SULT2B1: variants seen among roughly 807,000 people sequenced by gnomAD.
The protein encoded by SULT2B1 is sulfotransferase family 2B member 1.
In SULT2B1, 16 loss-of-function variants were observed where a neutral mutation model predicts 33.2. The observed-to-expected ratio is 0.48, with a 90% CI of 0.33 to 0.73. The LOEUF (loss-of-function observed/expected upper bound fraction) is 0.73, where lower values mean the gene tolerates loss of function less well. SULT2B1 is among the 30% of genes least tolerant of loss of function. SULT2B1 has a pLI of 0.02. For synonymous variants in SULT2B1, 186 were observed against 200.5 expected, an observed-to-expected ratio of 0.93 and a Z score of 0.61; for missense variants, 500 against 506.0, an observed-to-expected ratio of 0.99 and a Z score of 0.11.
In SULT2B1 at chr19:48,599,208, G is replaced by A. The variant is rs1256218216; in HGVS notation, c.900G>A (p.Gln300=). The change falls in exon 7 of 7, where the codon CAG becomes CAA. Residue 300 remains glutamine (Q), a synonymous_variant. Transcript: ENST00000201586. The surrounding 1 kb of genome is among the most constrained non-coding windows in gnomAD (Gnocchi z 4.1). ...CCTTCGATCGTGCCTACCGCAAGCA[G>A]ATGCGGGGGATGCCGACCTTCCCCT... ...SEAFDRAYRK[Q]MRGMPTFPWD... 6.2e-7 allele frequency: 1 copy of A among 1,606,426 alleles called. No individual in the cohort carries two copies.
At chr19:48,560,957 C>G (rs543283423) in intron 1 of SULT2B1, among the ~76,000 whole-genome samples, 1 of 145,098 alleles carries the variant, frequency 6.9e-6, no homozygotes, top group Non-Finnish European at 1.5e-5. Context: ...AGCAAAACTC[C>G]GTCTCAAAAA....
chr19:48,581,029 CTTTTTTTTT>C (rs57093444), intron 2 of SULT2B1, among the ~76,000 whole-genome samples: 3 of 65,070 alleles, frequency 4.6e-5, no homozygotes, highest in Non-Finnish European at 5.2e-5. Context: ...ATATATATTC[CTTTTTTTTT>C]TTTTTTTTTT....
At chr19:48,571,032 T>C (rs1415794622) in intron 1 of SULT2B1, among the ~76,000 whole-genome samples, 1 of 151,062 alleles carries the variant, frequency 6.6e-6, no homozygotes, top group Non-Finnish European at 1.5e-5. Flanking sequence ...CCTATTATTA[T>C]TTTTAGAGAT....
chr19:48,597,729 C>T (rs559508753), intron 6 of SULT2B1, among the ~76,000 whole-genome samples: 130 of 150,100 alleles, frequency 8.7e-4, no homozygotes, highest in Non-Finnish European at 1.4e-3. Flanking sequence ...CTGCAACCTC[C>T]GCCTCCCAGG....
chr19:48,584,832 C>G (rs1973541724), intron 2 of SULT2B1, among the ~76,000 whole-genome samples: 1 of 152,072 alleles, frequency 6.6e-6, no homozygotes, highest in Non-Finnish European at 1.5e-5. Flanking sequence ...AGGTGGATCA[C>G]CTGAGGTCAG....
chr19:48,596,728 C>T lies in SULT2B1; in HGVS notation c.646-11C>T, dbSNP rs781232514. ...GCCCTCCCTCCGCTGACCCCTCTCC[C>T]CTGCCTGCAGGACTTACAGGGCTCC... On this transcript the variant is annotated splice_polypyrimidine_tract_variant and intron_variant, in intron 5 of 6. Transcript: ENST00000201586. 9.4e-6 allele frequency: 15 copies of T among 1,596,488 alleles called. No individual in the cohort carries two copies. Among genetic ancestry groups the T allele is most frequent in the Non-Finnish European group, 1.2e-5 (14 of 1,176,684 alleles).
intron 1 of SULT2B1, among the ~76,000 whole-genome samples, chr19:48,559,784 C>T (rs913405051): frequency 1.3e-5 from 2 of 151,984 alleles, no homozygotes; most frequent in African/African-American, 4.8e-5. Context: ...GGACCAGAGC[C>T]CCAAGGATCT....
At chr19:48,590,600 TAAAAC>T (rs1460869115) in intron 3 of SULT2B1, among the ~76,000 whole-genome samples, 1 of 151,942 alleles carries the variant, frequency 6.6e-6, no homozygotes, top group South Asian at 2.1e-4. Context: ...AGACTTCGTC[TAAAAC>T]AAAACAAAAC....
At chr19:48,569,084 T>G (rs1383599838) in intron 1 of SULT2B1, among the ~76,000 whole-genome samples, 1 of 152,160 alleles carries the variant, frequency 6.6e-6, no homozygotes, top group Non-Finnish European at 1.5e-5. Flanking sequence ...GGCTCACGCC[T>G]GTAATCCCAG....
intron 1 of SULT2B1, among the ~76,000 whole-genome samples, chr19:48,561,987 C>A (rs576627242): frequency 6.6e-6 from 1 of 152,080 alleles, no homozygotes; most frequent in East Asian, 1.9e-4. Flanking sequence ...TCATTGCTCA[C>A]GCCTGCAATC....
intron 1 of SULT2B1, among the ~76,000 whole-genome samples, chr19:48,573,179 C>T (rs938652476): frequency 9.5e-5 from 14 of 148,080 alleles, no homozygotes; most frequent in Middle Eastern, 3.4e-3. Context: ...AAAAAATTTA[C>T]ATGTCCAGGG....
At chr19:48,593,695 C>T (rs1047506703) in intron 5 of SULT2B1, among the ~76,000 whole-genome samples, 2 of 151,186 alleles carry the variant, frequency 1.3e-5, no homozygotes, top group African/African-American at 4.8e-5. Context: ...AGTGCAATGG[C>T]ATGATCTCGG....
At position 48,576,038 on chromosome 19, in the gene SULT2B1, G is replaced by C. The variant is rs766992586; in HGVS notation, c.169G>C (p.Asp57His). ...CATCAGCTTGGCGGAGAACACCCAA[G>C]ATGTGCGGGACGACGACATCTTTAT... ...ESISLAENTQ[D>H]VRDDDIFIIT... The change falls in exon 2 of 7, where the codon GAT (aspartate) becomes CAT (histidine). Residue 57 changes from aspartate (D) to histidine (H), a missense_variant. Asp to His is a moderately conservative substitution (Grantham distance 81). Transcript: ENST00000201586. 7 of 1,613,692 alleles carry C rather than the reference G, an allele frequency of 4.3e-6. No individual in the cohort carries two copies. The African/African-American group carries it at 9.3e-5, about 22-fold the overall frequency.
At chr19:48,580,160 G>T in intron 2 of SULT2B1, among the ~76,000 whole-genome samples, 1 of 148,988 alleles carries the variant, frequency 6.7e-6, no homozygotes, top group Non-Finnish European at 1.5e-5. Context: ...TCAAACTCCC[G>T]AGCTCAAGCA....
intron 2 of SULT2B1, 144 bp from the exon 3 acceptor site, chr19:48,587,085 G>A (rs10425172): frequency 8.2e-6 from 5 of 611,436 alleles, no homozygotes; most frequent in South Asian, 2.1e-5. Context: ...GCACTCCAGC[G>A]TGGGCAACAG....
chr19:48,596,963 G>T (rs1379217525), intron 6 of SULT2B1, 44 bp downstream of exon 6: 2 of 1,518,162 alleles, frequency 1.3e-6, no homozygotes. Flanking sequence ...CCACTGCCCG[G>T]CTGTGTGACC....
chr19:48,586,570 C>T (rs777690477), intron 2 of SULT2B1, among the ~76,000 whole-genome samples: 11 of 152,162 alleles, frequency 7.2e-5, no homozygotes, highest in Non-Finnish European at 1.6e-4. Context: ...CTCTTGGCCC[C>T]ACACATAGCA....
rs1159840741 is a variant in SULT2B1 at position 48,569,363 on chromosome 19, CATATATATATATATATATATATAT to C, written c.72-6565_72-6542del. Reference sequence around the variant, plus strand: ...TCTCAAAAAAAAAAAAAAAAAAAAACATATATATATATATATATATATATATATATATATATGATAAATTTTAGA... The same window carrying C: ...TCTCAAAAAAAAAAAAAAAAAAAAACATATATATATATGATAAATTTTAGA... On this transcript the variant is annotated intron_variant, in intron 1 of 6. Coordinates refer to ENST00000201586, the MANE Select transcript of SULT2B1 (RefSeq NM_177973.2). Among the ~76,000 whole-genome samples the C allele has an allele frequency of 1.5e-4, 5 of 33,278 alleles. 1 individual carries two copies. The highest frequency in any genetic ancestry group is 2.6e-4 in the Non-Finnish European group (5 of 19,434). 21.8% of individuals were successfully genotyped at this position (33,278 alleles called of 152,430 possible).
At chr19:48,575,618 G>A in intron 1 of SULT2B1, 1 of 198,488 alleles carries the variant, frequency 5.0e-6, no homozygotes. Flanking sequence ...GTAACTGGGA[G>A]TACAGGCATG....
Sources: gnomAD v4.1 joint callset for allele counts (sites outside exome capture counted in the v4.1 genomes callset) on GRCh38, gnomAD v4.1.1 for gene constraint, Gnocchi (gnomAD v3.1) non-coding constraint, MANE v1.5 for transcripts, NCBI Gene and HGNC (gene_info 2026-07-23, HGNC 2026-07-21) for gene names.